Variants in DAO observed in about 807,000 individuals in gnomAD.
DAO encodes D-amino-acid oxidase.
Under a neutral mutation model 50.1 loss-of-function variants are expected in DAO, and 51 were observed. The ratio of observed to expected loss-of-function variants is 1.02; its 90% CI spans 0.81 to 1.29. DAO has a LOEUF of 1.29. Among genes scored for constraint, DAO ranks in the 50% most tolerant of loss-of-function variants. The pLI is 0.00. For missense variants in DAO, 436 were observed against 439.4 expected, an observed-to-expected ratio of 0.99 and a Z score of 0.07; for synonymous variants, 160 against 166.2, an observed-to-expected ratio of 0.96 and a Z score of 0.29.
At chr12:108,897,197 T>C (rs1471894712) in intron 8 of DAO, 109 bp downstream of exon 8, 12 of 778,910 alleles carry the variant, frequency 1.5e-5, no homozygotes, top group Middle Eastern at 2.2e-4. Flanking sequence ...CCTTTCAATG[T>C]TTTTATGTAC....
rs886120469 is a variant in DAO at position 108,900,590 on chromosome 12, A to G, written c.*55A>G. 41 of 1,603,088 alleles carry G rather than the reference A, an allele frequency of 2.6e-5. No homozygotes were observed. The highest frequency in any genetic ancestry group is 4.4e-5 in the South Asian group (4 of 90,446). ...AAGAACTCCCTTCTCCCCTCAGCCA[A>G]TGAATCAATGTGCTCCTTCATAAGC... On this transcript the variant is annotated 3_prime_UTR_variant, in exon 11 of 11. Transcript: ENST00000228476.
At chr12:108,894,518 G>A in intron 7 of DAO, 151 bp downstream of exon 7, 1 of 659,192 alleles carries the variant, frequency 1.5e-6, no homozygotes. Context: ...AAACAAACCT[G>A]TCCCACCCCC....
intron 1 of DAO, among the ~76,000 whole-genome samples, chr12:108,880,917 C>T (rs2039370668): frequency 2.0e-5 from 3 of 151,900 alleles, no homozygotes; most frequent in South Asian, 4.2e-4. Context: ...CAGAAAGCGC[C>T]GATAGAACTG....
intron 3 of DAO, 58 bp from the exon 4 acceptor site, chr12:108,889,411 A>G: frequency 8.2e-7 from 1 of 1,219,688 alleles, no homozygotes; most frequent in Non-Finnish European, 1.2e-6. Context: ...CGCCTGGCCC[A>G]TTATCATTAT....
chr12:108,898,694 T>C lies in DAO; in HGVS notation c.711T>C (p.Thr237=). The C allele has an allele frequency of 6.2e-7, 1 of 1,612,656 alleles. No homozygotes were observed. Among genetic ancestry groups the C allele is most frequent in the Admixed American group, 1.7e-5 (1 of 60,006 alleles). ...TTGTATCTAGGACCCAGACAGTTAC[T>C]CTTGGAGGCATCTTCCAGTTGGGAA... ...PYIIPGTQTV[T]LGGIFQLGNW... is the part of the protein sequence containing the mutation. The change falls in exon 9 of 11, where the codon ACT becomes ACC. Residue 237 remains threonine (T), a synonymous_variant. Coordinates refer to ENST00000228476, the MANE Select transcript of DAO (RefSeq NM_001917.5).
chr12:108,883,430 G>A (rs1352520275), intron 1 of DAO, among the ~76,000 whole-genome samples: 1 of 152,238 alleles, frequency 6.6e-6, no homozygotes, highest in African/African-American at 2.4e-5. Flanking sequence ...ACAGGCGTAA[G>A]CCACTGCAGC....
At chr12:108,889,137 G>T (rs928369990) in intron 3 of DAO, among the ~76,000 whole-genome samples, 6 of 148,892 alleles carry the variant, frequency 4.0e-5, no homozygotes, top group African/African-American at 7.4e-5. Flanking sequence ...ATGAAGTCTC[G>T]CTCTGTGGCC....
intron 6 of DAO, among the ~76,000 whole-genome samples, chr12:108,893,291 G>A (rs912333186): frequency 5.3e-5 from 8 of 152,138 alleles, no homozygotes; most frequent in African/African-American, 1.9e-4. Context: ...TGAGTTTTGG[G>A]TCTAGAGAGC....
At chr12:108,886,241 C>A (rs1228053404) in intron 2 of DAO, among the ~76,000 whole-genome samples, 2 of 152,006 alleles carry the variant, frequency 1.3e-5, no homozygotes, top group Non-Finnish European at 2.9e-5. Context: ...CCGGGCTGGT[C>A]TTGAACTCCT....
chr12:108,894,163 G>C, intron 6 of DAO, 100 bp from the exon 7 acceptor site: 1 of 906,040 alleles, frequency 1.1e-6, no homozygotes, highest in South Asian at 1.4e-5. Context: ...GTTCATCAGG[G>C]AGTAGACAGA....
chr12:108,885,329 C>G, intron 2 of DAO, 129 bp downstream of exon 2: 1 of 934,076 alleles, frequency 1.1e-6, no homozygotes, highest in Non-Finnish European at 1.7e-6. Context: ...AAAGAAAATG[C>G]CAGGCGTGGT....
At chr12:108,883,209 C>T (rs111970047) in intron 1 of DAO, among the ~76,000 whole-genome samples, 2,832 of 151,992 alleles carry the variant, frequency 0.019, 53 homozygotes, top group African/African-American at 0.045. Context: ...TGCAGTGGTG[C>T]GAACTCGACT....
At chr12:108,898,821 C>T (rs778902996) in intron 9 of DAO, 25 bp downstream of exon 9, 2 of 1,533,710 alleles carry the variant, frequency 1.3e-6, no homozygotes, top group Non-Finnish European at 1.8e-6. Context: ...AGTAGCAGTG[C>T]CCTAAACCAA....
intron 3 of DAO, among the ~76,000 whole-genome samples, chr12:108,888,288 T>C (rs573230084): frequency 6.6e-6 from 1 of 152,054 alleles, no homozygotes; most frequent in South Asian, 2.1e-4. Flanking sequence ...CCTTTGGCAC[T>C]GTGCTAAGGG....
chr12:108,894,248 G>C lies in DAO; in HGVS notation c.508-15G>C. Reference sequence around the variant, plus strand: ...CCCACCTTTCATCCCCCACTACCCTGTTGGTTGCTACCAGGTGGCAAGAGA... The same window carrying C: ...CCCACCTTTCATCCCCCACTACCCTCTTGGTTGCTACCAGGTGGCAAGAGA... On this transcript the variant is annotated splice_polypyrimidine_tract_variant and intron_variant, in intron 6 of 10. Coordinates refer to ENST00000228476, the MANE Select transcript of DAO (RefSeq NM_001917.5). 6.2e-7 allele frequency: 1 copy of C among 1,606,976 alleles called. No individual in the cohort carries two copies. Among genetic ancestry groups the C allele is most frequent in the Non-Finnish European group, 8.5e-7 (1 of 1,174,190 alleles).
chr12:108,892,603 T>A (rs17041040), intron 5 of DAO, among the ~76,000 whole-genome samples: 2 of 152,306 alleles, frequency 1.3e-5, no homozygotes, highest in South Asian at 4.1e-4. Context: ...AACTCTCCCC[T>A]TCTCTACTCT....
intron 2 of DAO, among the ~76,000 whole-genome samples, chr12:108,886,617 A>G (rs1012447569): frequency 5.3e-5 from 8 of 152,116 alleles, no homozygotes; most frequent in African/African-American, 1.9e-4. Context: ...CATGCATGCT[A>G]TCATGCCTGG....
At position 108,897,876 on chromosome 12, in the gene DAO, G is replaced by A. The variant is rs1406352070; in HGVS notation, c.695+788G>A. Among the ~76,000 whole-genome samples, 4 of 152,060 alleles carry A rather than the reference G, an allele frequency of 2.6e-5. No individual in the cohort carries two copies. The East Asian group carries it at 7.7e-4, about 29-fold the overall frequency. ...ATGGGAGGATTGCTTGAACCTGGGA[G>A]GTTGAGGATGCAGTGAGCCATGTTC... On this transcript the variant is annotated intron_variant, in intron 8 of 10. Transcript: ENST00000228476.
intron 9 of DAO, 151 bp downstream of exon 9, chr12:108,898,947 C>T: frequency 1.4e-6 from 1 of 708,800 alleles, no homozygotes; most frequent in Admixed American, 2.0e-5. Context: ...TGATAATGTA[C>T]AGGGAAGTTC....
Sources: gnomAD v4.1 joint callset for allele counts (sites outside exome capture counted in the v4.1 genomes callset) on GRCh38, gnomAD v4.1.1 for gene constraint, MANE v1.5 for transcripts, NCBI Gene and HGNC (gene_info 2026-07-23, HGNC 2026-07-21) for gene names.